SDC2: variants seen among roughly 807,000 people sequenced by gnomAD.
SDC2 encodes syndecan 2.
A neutral mutation model predicts 22.2 loss-of-function variants in SDC2; 13 were observed. The ratio of observed to expected loss-of-function variants is 0.59; its 90% CI spans 0.38 to 0.93. The LOEUF (loss-of-function observed/expected upper bound fraction) is 0.93. SDC2 is among the 40% of genes least tolerant of loss of function. SDC2 has a pLI of 0.00. For synonymous variants in SDC2, 94 were observed against 92.8 expected (o/e 1.01, Z -0.07); for missense variants, 235 against 246.8 (o/e 0.95, Z 0.32).
intron 1 of SDC2, among the ~76,000 whole-genome samples, chr8:96,514,721 T>G (rs528835598): frequency 6.6e-6 from 1 of 152,144 alleles, no homozygotes; most frequent in Non-Finnish European, 1.5e-5. Flanking sequence ...TCAGACTCCT[T>G]TCACAAGGAG....
intron 1 of SDC2, among the ~76,000 whole-genome samples, chr8:96,544,203 C>T (rs1669429453): frequency 6.6e-6 from 1 of 152,090 alleles, no homozygotes; most frequent in African/African-American, 2.4e-5. Context: ...AACCTCGGTG[C>T]CTTTGGGCTA....
intron 1 of SDC2, among the ~76,000 whole-genome samples, chr8:96,503,946 T>G (rs569891895): frequency 1.3e-5 from 2 of 152,310 alleles, no homozygotes; most frequent in Admixed American, 6.5e-5. Flanking sequence ...TGTCAAAATT[T>G]TAAATAGAGT....
intron 1 of SDC2, among the ~76,000 whole-genome samples, chr8:96,499,064 T>C (rs1419997800): frequency 1.3e-5 from 2 of 152,156 alleles, no homozygotes; most frequent in Non-Finnish European, 2.9e-5. Flanking sequence ...CATAATAGCC[T>C]TCCTTTCTGG....
chr8:96,523,943 G>T (rs1813536852), intron 1 of SDC2, among the ~76,000 whole-genome samples: 1 of 152,168 alleles, frequency 6.6e-6, no homozygotes, highest in South Asian at 2.1e-4. Flanking sequence ...CACTCAGGGT[G>T]GCCACAATGG....
At chr8:96,563,517 CT>C (rs1242338257) in intron 1 of SDC2, among the ~76,000 whole-genome samples, 2 of 152,124 alleles carry the variant, frequency 1.3e-5, no homozygotes, top group Non-Finnish European at 2.9e-5. Flanking sequence ...GGTCCTCAAA[CT>C]TAGGAATGTA....
intron 2 of SDC2, among the ~76,000 whole-genome samples, chr8:96,598,797 A>C (rs1229166260): frequency 1.3e-5 from 2 of 152,074 alleles, no homozygotes; most frequent in Non-Finnish European, 2.9e-5. Flanking sequence ...AGTCTATTTC[A>C]GACAGGGAGA....
At chr8:96,509,713 T>C (rs923631771) in intron 1 of SDC2, among the ~76,000 whole-genome samples, 1 of 152,202 alleles carries the variant, frequency 6.6e-6, no homozygotes, top group Non-Finnish European at 1.5e-5. Flanking sequence ...TCTAGAGGAC[T>C]TCTTAGTCTC....
intron 1 of SDC2, among the ~76,000 whole-genome samples, chr8:96,507,359 C>T (rs375840698): frequency 5.9e-5 from 9 of 152,332 alleles, no homozygotes; most frequent in African/African-American, 2.2e-4. Flanking sequence ...AAATGAAATA[C>T]CATGAAACAT....
intron 1 of SDC2, among the ~76,000 whole-genome samples, chr8:96,508,477 A>T (rs1180755129): frequency 7.0e-6 from 1 of 142,400 alleles, no homozygotes; most frequent in East Asian, 1.9e-4. Flanking sequence ...TGGGTGACAG[A>T]GCAAGACTCC....
intron 1 of SDC2, among the ~76,000 whole-genome samples, chr8:96,534,158 C>G (rs572444016): frequency 3.3e-5 from 5 of 152,204 alleles, no homozygotes; most frequent in African/African-American, 1.2e-4. Context: ...CTGCAAGCGC[C>G]GTGCGCAGCC....
At chr8:96,576,378 TG>T (rs369321036) in intron 1 of SDC2, among the ~76,000 whole-genome samples, 8,067 of 68,078 alleles carry the variant, frequency 0.12, 1,206 homozygotes, top group East Asian at 0.17. Flanking sequence ...GTTTTTGTTT[TG>T]TTTTGTTTTT....
chr8:96,587,223 C>T (rs1404952734), intron 1 of SDC2, among the ~76,000 whole-genome samples: 1 of 152,168 alleles, frequency 6.6e-6, no homozygotes, highest in South Asian at 2.1e-4. Context: ...TGTGTCCAGC[C>T]TAAAGACCTT....
intron 1 of SDC2, among the ~76,000 whole-genome samples, chr8:96,496,118 T>C (rs1206126377): frequency 6.6e-6 from 1 of 152,192 alleles, no homozygotes; most frequent in African/African-American, 2.4e-5. Flanking sequence ...TTTTTTTTGC[T>C]GAGTCTTATT....
intron 1 of SDC2, among the ~76,000 whole-genome samples, chr8:96,544,961 G>A (rs568478588): frequency 6.6e-6 from 1 of 152,308 alleles, no homozygotes; most frequent in South Asian, 2.1e-4. Context: ...AAATTGCATA[G>A]ATGCTTTTTA....
chr8:96,526,724 A>G (rs1813584415), intron 1 of SDC2, among the ~76,000 whole-genome samples: 1 of 152,114 alleles, frequency 6.6e-6, no homozygotes, highest in East Asian at 1.9e-4. Flanking sequence ...TCAAAGACCA[A>G]GCGTTGAAGG....
rs1232329660 is a variant in SDC2 at position 96,602,432 on chromosome 8, A to G, written c.210A>G (p.Thr70=). ...ATGTAGAGAGTCCAGAGCTGACAAC[A>G]TCTCGACCACTTCCAAAGATACTGT... ...DEDVESPELT[T]SRPLPKILLT... The change falls in exon 3 of 5, where the codon ACA becomes ACG. Residue 70 remains threonine, a synonymous_variant. Transcript: ENST00000302190. 4 of 1,614,022 alleles carry G rather than the reference A, an allele frequency of 2.5e-6. No individual in the cohort carries two copies. The highest frequency in any genetic ancestry group is 2.5e-6 in the Non-Finnish European group (3 of 1,180,012).
chr8:96,511,357 C>T (rs1302550044), intron 1 of SDC2, among the ~76,000 whole-genome samples: 2 of 152,178 alleles, frequency 1.3e-5, no homozygotes, highest in Non-Finnish European at 2.9e-5. Flanking sequence ...GTGTGGGCAT[C>T]ACCTGGGAGC....
chr8:96,522,109 T>C (rs1209768727), intron 1 of SDC2, among the ~76,000 whole-genome samples: 2 of 152,204 alleles, frequency 1.3e-5, no homozygotes, highest in African/African-American at 2.4e-5. Flanking sequence ...TATTGAGATA[T>C]AGTGGAATGT....
At chr8:96,523,478 A>G (rs2589216) in intron 1 of SDC2, among the ~76,000 whole-genome samples, 28,335 of 152,102 alleles carry the variant, frequency 0.19, 2,859 homozygotes, top group African/African-American at 0.24. Flanking sequence ...CCTAGGTGCT[A>G]TTGGGGAGGA....
Sources: gnomAD v4.1 joint callset for allele counts (sites outside exome capture counted in the v4.1 genomes callset) on GRCh38, gnomAD v4.1.1 for gene constraint, MANE v1.5 for transcripts, NCBI Gene and HGNC (gene_info 2026-07-23, HGNC 2026-07-21) for gene names.